GNE: variants seen among roughly 807,000 people sequenced by gnomAD.
GNE encodes the protein bifunctional UDP-N-acetylglucosamine 2-epimerase/N-acetylmannosamine kinase.
A neutral mutation model predicts 61.8 loss-of-function variants in GNE; 41 were observed. The observed-to-expected ratio is 0.66, with a 90% CI of 0.52 to 0.86. GNE has a LOEUF of 0.86. GNE is among the 40% of genes least tolerant of loss of function. GNE has a pLI of 0.00. For synonymous variants in GNE, 264 were observed against 326.4 expected (o/e 0.81, Z 2.06); for missense variants, 608 against 909.1 (o/e 0.67, Z 4.26).
rs893392009 is a variant in GNE at position 36,258,381 on chromosome 9, C to T, written c.-103G>A. On this transcript the variant is annotated 5_prime_UTR_variant, in exon 1 of 12. Coordinates refer to ENST00000642385, the MANE Select transcript of GNE (RefSeq NM_005476.7). ...CGCGCTCCTCGGGCGAGGGACGAACCAAGCGCCACGAAGCAGGCAGAGCGC... is the reference window on the plus strand; with the variant it reads ...CGCGCTCCTCGGGCGAGGGACGAACTAAGCGCCACGAAGCAGGCAGAGCGC... 1.0e-6 allele frequency: 1 copy of T among 985,570 alleles called. No homozygotes were observed. Among genetic ancestry groups the T allele is most frequent in the African/African-American group, 1.7e-5 (1 of 57,376 alleles). The allele number at this position is 985,570 out of a possible 1,614,324, so 61.1% of individuals were successfully genotyped here.
At position 36,245,965 on chromosome 9, in the gene GNE, T is replaced by C. The variant is rs550748532; in HGVS notation, c.616+66A>G. ...CTATCCATAATAGTTTCCAAAAGGA[T>C]TGAAATAGACGGAACATTTTCTGAC... On this transcript the variant is annotated intron_variant, in intron 3 of 11. Coordinates refer to ENST00000642385, the MANE Select transcript of GNE (RefSeq NM_005476.7). 3 of 1,267,056 alleles carry C rather than the reference T, an allele frequency of 2.4e-6. No homozygotes were observed. In the East Asian group the frequency reaches 6.9e-5, roughly 29 times the overall value. 78.5% of individuals were successfully genotyped at this position (1,267,056 alleles called of 1,614,324 possible). A position where few individuals can be genotyped will look rare whatever the true frequency, so the allele number is the denominator to read the frequency against.
intron 1 of GNE, among the ~76,000 whole-genome samples, chr9:36,251,936 G>A (rs553587841): frequency 1.1e-4 from 17 of 151,630 alleles, no homozygotes; most frequent in East Asian, 5.8e-4. Flanking sequence ...ATAACGAAAC[G>A]GGCATTCCAC....
In GNE at chr9:36,218,389, G is replaced by A; in HGVS notation, c.1817-90C>T. On this transcript the variant is annotated intron_variant, in intron 10 of 11. Transcript: ENST00000642385. This position sits in a 1 kb window ranked among gnomAD's most constrained non-coding sequence, Gnocchi z 4.1. ...GCCTGTGGAAAGCAAGCCCCTACAT[G>A]GGAAGACGGTGTTTTCTTTTCACAA... The A allele has an allele frequency of 5.8e-6, 5 of 865,886 alleles. No individual in the cohort carries two copies. The highest frequency in any genetic ancestry group is 9.9e-6 in the Non-Finnish European group (5 of 507,166). The allele number at this position is 865,886 out of a possible 1,614,324, so 53.6% of individuals were successfully genotyped here. A position where few individuals can be genotyped will look rare whatever the true frequency, so the allele number is the denominator to read the frequency against.
intron 1 of GNE, among the ~76,000 whole-genome samples, chr9:36,270,403 T>C (rs768598727): frequency 2.2e-4 from 34 of 152,130 alleles, no homozygotes; most frequent in Non-Finnish European, 4.0e-4. Flanking sequence ...ATATCAATAG[T>C]GTTTTAGAAT....
At chr9:36,236,420 G>T (rs1160390777) in intron 4 of GNE, among the ~76,000 whole-genome samples, 1 of 152,026 alleles carries the variant, frequency 6.6e-6, no homozygotes, top group Non-Finnish European at 1.5e-5. Flanking sequence ...GGCTGGTCTC[G>T]AACTCCTGAC....
chr9:36,271,722 A>G (rs937321337), intron 1 of GNE, among the ~76,000 whole-genome samples: 2 of 152,166 alleles, frequency 1.3e-5, no homozygotes, highest in Admixed American at 6.6e-5. Context: ...GGTATCTTTG[A>G]ATGTATATGT....
At chr9:36,268,628 A>C (rs1364737997) in intron 1 of GNE, among the ~76,000 whole-genome samples, 2 of 152,122 alleles carry the variant, frequency 1.3e-5, no homozygotes, top group Non-Finnish European at 2.9e-5. Flanking sequence ...TGATCATGCC[A>C]CTGCATCTCA....
chr9:36,265,755 A>T (rs960598099), intron 1 of GNE, among the ~76,000 whole-genome samples: 1 of 152,160 alleles, frequency 6.6e-6, no homozygotes, highest in East Asian at 1.9e-4. Context: ...ATCATCAGGC[A>T]TTAAATTCTC....
chr9:36,220,693 A>G (rs1270288912), intron 9 of GNE, among the ~76,000 whole-genome samples: 1 of 152,206 alleles, frequency 6.6e-6, no homozygotes, highest in East Asian at 1.9e-4. Flanking sequence ...TTTAAAATGT[A>G]TCACACACTA....
chr9:36,227,889 A>G (rs577290463), intron 6 of GNE, among the ~76,000 whole-genome samples: 3 of 152,122 alleles, frequency 2.0e-5, no homozygotes, highest in African/African-American at 7.2e-5. Flanking sequence ...CACAAAAATT[A>G]GCCAGGCGTT....
intron 8 of GNE, 33 bp from the exon 9 acceptor site, chr9:36,223,031 C>T: frequency 6.4e-7 from 1 of 1,573,082 alleles, no homozygotes; most frequent in South Asian, 1.1e-5. Flanking sequence ...GGAAATAATG[C>T]TGATGAGCAA....
At chr9:36,234,891 A>G (rs1829329119) in intron 4 of GNE, among the ~76,000 whole-genome samples, 1 of 152,136 alleles carries the variant, frequency 6.6e-6, no homozygotes, top group Admixed American at 6.6e-5. Context: ...CAAGGTAGGT[A>G]AATGGACTCA....
chr9:36,265,122 C>A, intron 1 of GNE: 1 of 286,298 alleles, frequency 3.5e-6, no homozygotes, highest in South Asian at 3.6e-5. Context: ...ACTGCTGCTC[C>A]CGATCGGGCT....
chr9:36,233,874 G>T, intron 5 of GNE, 46 bp downstream of exon 5: 1 of 1,369,814 alleles, frequency 7.3e-7, no homozygotes, highest in Non-Finnish European at 1.0e-6. Context: ...AACAACTCAC[G>T]TATGTATAAA....
At chr9:36,272,954 G>A (rs898772849) in intron 1 of GNE, among the ~76,000 whole-genome samples, 18 of 149,840 alleles carry the variant, frequency 1.2e-4, no homozygotes, top group Admixed American at 5.3e-4. Context: ...GCATGGTGGC[G>A]TGCGCCTGTA....
chr9:36,222,898 A>G lies in GNE; in HGVS notation c.1512T>C (p.Leu504=). 5 of 1,614,174 alleles carry G rather than the reference A, an allele frequency of 3.1e-6. No individual in the cohort carries two copies. Among genetic ancestry groups the G allele is most frequent in the Non-Finnish European group, 4.2e-6 (5 of 1,180,018 alleles). ...EWNSVDLRTP[L]SDTLHLPVWV... is the part of the protein sequence containing the mutation. ...ACACAGGGAGATGCAAAGTGTCAGAAAGGGGGGTCCTAAGGTCCACAGAGT... is the reference window on the plus strand; with the variant it reads ...ACACAGGGAGATGCAAAGTGTCAGAGAGGGGGGTCCTAAGGTCCACAGAGT... The change falls in exon 9 of 12, where the codon CTT becomes CTC. Residue 504 remains leucine (L), a synonymous_variant. Coordinates refer to ENST00000642385, the MANE Select transcript of GNE (RefSeq NM_005476.7).
chr9:36,243,367 C>T (rs1450410757), intron 3 of GNE, among the ~76,000 whole-genome samples: 2 of 152,178 alleles, frequency 1.3e-5, no homozygotes, highest in Non-Finnish European at 2.9e-5. Context: ...CTATTCATTA[C>T]AAGTTTTTCA....
upstream of GNE, among the ~76,000 whole-genome samples, chr9:36,261,873 AGATC>A (rs1221969453): frequency 6.6e-6 from 1 of 150,866 alleles, no homozygotes; most frequent in East Asian, 1.9e-4. Context: ...CAGTGAGCGG[AGATC>A]GCGCCACTGC....
At chr9:36,276,122 A>G (rs1002236657) in intron 1 of GNE, among the ~76,000 whole-genome samples, 2 of 152,104 alleles carry the variant, frequency 1.3e-5, no homozygotes, top group Admixed American at 6.6e-5. Flanking sequence ...GCAGTGAGCT[A>G]TGATTATGCC....
Sources: gnomAD v4.1 joint callset for allele counts (sites outside exome capture counted in the v4.1 genomes callset) on GRCh38, gnomAD v4.1.1 for gene constraint, Gnocchi (gnomAD v3.1) non-coding constraint, MANE v1.5 for transcripts, NCBI Gene and HGNC (gene_info 2026-07-23, HGNC 2026-07-21) for gene names.